FBLN1: variants seen among roughly 807,000 people sequenced by gnomAD.
FBLN1 encodes the protein fibulin 1.
Under a neutral mutation model 89.7 loss-of-function variants are expected in FBLN1, and 34 were observed. The observed-to-expected ratio is 0.38, with a 90% confidence interval of 0.29 to 0.50. The LOEUF is 0.50. Among genes scored for constraint, FBLN1 ranks in the 20% least tolerant of loss-of-function variants. The probability of loss-of-function intolerance (pLI) is 0.92; values close to 1 mark genes in which losing one functional copy is unlikely to be tolerated. For missense variants in FBLN1, 777 were observed against 988.1 expected, an observed-to-expected ratio of 0.79 and a Z score of 2.86; for synonymous variants, 393 against 391.3, an observed-to-expected ratio of 1.00 and a Z score of -0.05.
At chr22:45,596,379 G>A (rs2089186245) in intron 16 of FBLN1, among the ~76,000 whole-genome samples, 1 of 152,136 alleles carries the variant, frequency 6.6e-6, no homozygotes, top group African/African-American at 2.4e-5. Flanking sequence ...TCCCCAGACT[G>A]ACCCCTGAGG....
intron 1 of FBLN1, among the ~76,000 whole-genome samples, chr22:45,505,875 G>A (rs1317135161): frequency 2.6e-5 from 4 of 152,102 alleles, no homozygotes; most frequent in African/African-American, 4.8e-5. Context: ...GAGTTGAAGC[G>A]ATTCTCCTGC....
intron 4 of FBLN1, among the ~76,000 whole-genome samples, chr22:45,529,599 C>T (rs545001785): frequency 1.3e-5 from 2 of 152,348 alleles, no homozygotes; most frequent in East Asian, 3.9e-4. Context: ...GGCACGGTGG[C>T]TCACGCCTGT....
chr22:45,507,931 CTA>C (rs2088045305), intron 1 of FBLN1, among the ~76,000 whole-genome samples: 1 of 152,192 alleles, frequency 6.6e-6, no homozygotes, highest in South Asian at 2.1e-4. Flanking sequence ...TAGAACTCCT[CTA>C]TGGACCTGCA....
rs2088980826 is a variant in FBLN1, at chr22:45,574,784, T to TC, written c.1840+131_1840+132insC. ...TTTGAAATGCAGAACTTTCTTTTTT[T>TC]TTTTTTTTTTTTTTTGAGACGGAGT... On this transcript the variant is annotated intron_variant, in intron 15 of 16. Coordinates refer to ENST00000327858, the MANE Select transcript of FBLN1 (RefSeq NM_006486.3). This position sits in a 1 kb window ranked among gnomAD's most constrained non-coding sequence, Gnocchi z 4.1. 3 of 799,928 alleles carry TC rather than the reference T, an allele frequency of 3.8e-6. No homozygotes were observed. The East Asian group carries it at 8.1e-5, about 22-fold the overall frequency. 49.6% of individuals were successfully genotyped at this position (799,928 alleles called of 1,614,324 possible).
At chr22:45,555,966 G>A (rs1349957807) in intron 14 of FBLN1, among the ~76,000 whole-genome samples, 1 of 152,186 alleles carries the variant, frequency 6.6e-6, no homozygotes, top group Admixed American at 6.6e-5. Flanking sequence ...TAGTACAAGT[G>A]TATACATGCA....
Position 45,566,328 on chromosome 22 carries a change from C to T in FBLN1, c.1698-8183C>T, listed in dbSNP as rs570371018. Among the ~76,000 whole-genome samples, 130 of 152,266 alleles carry T rather than the reference C, an allele frequency of 8.5e-4. 1 individual carries two copies. Among genetic ancestry groups the T allele is most frequent in the African/African-American group, 2.8e-3 (115 of 41,548 alleles). ...TCTTTGCTTGTGGAACTCCCTGCCTCCTGAGGGGTCCCGTTGCATTTTGGG... is the reference window on the plus strand; with the variant it reads ...TCTTTGCTTGTGGAACTCCCTGCCTTCTGAGGGGTCCCGTTGCATTTTGGG... On this transcript the variant is annotated intron_variant, in intron 14 of 16. Coordinates refer to ENST00000327858, the MANE Select transcript of FBLN1 (RefSeq NM_006486.3).
At chr22:45,543,701 C>T (rs1023830530) in intron 11 of FBLN1, among the ~76,000 whole-genome samples, 175 bp downstream of exon 11, 1 of 152,228 alleles carries the variant, frequency 6.6e-6, no homozygotes, top group Non-Finnish European at 1.5e-5. Context: ...CGCCTGCCCA[C>T]CCGATTTCTC....
At position 45,578,632 on chromosome 22, in the gene FBLN1, T is replaced by G. The variant is rs907651182; in HGVS notation, c.1972+1524T>G. On this transcript the variant is annotated intron_variant, in intron 16 of 16. Transcript: ENST00000327858. This position sits in a 1 kb window ranked among gnomAD's most constrained non-coding sequence, Gnocchi z 4.6. The stretch of plus-strand genomic sequence containing the variant: ...GGCAGGGAGGGGGTTGGGTCAGGGC[T>G]TTGTCCTGTCCCACTGGGTGGGTGG... Among the ~76,000 whole-genome samples the G allele has an allele frequency of 2.1e-5, 3 of 141,106 alleles. No individual in the cohort carries two copies. Among genetic ancestry groups the G allele is most frequent in the African/African-American group, 9.6e-5 (3 of 31,178 alleles). The allele number at this position is 141,106 out of a possible 152,430, so 92.6% of individuals were successfully genotyped here. A position where few individuals can be genotyped will look rare whatever the true frequency, so the allele number is the denominator to read the frequency against.
rs1047358592 is a variant in FBLN1 at position 45,581,989 on chromosome 22, T to C, written c.1972+4881T>C. On this transcript the variant is annotated intron_variant, in intron 16 of 16. Coordinates refer to ENST00000327858, the MANE Select transcript of FBLN1 (RefSeq NM_006486.3). This position sits in a 1 kb window ranked among gnomAD's most constrained non-coding sequence, Gnocchi z 7.6. ...AGCCACGGGAGGTCTGTGCTGCCCATGGAGCTTCCAGATCCCGCTGCTTTA... is the reference window on the plus strand; with the variant it reads ...AGCCACGGGAGGTCTGTGCTGCCCACGGAGCTTCCAGATCCCGCTGCTTTA... Among the ~76,000 whole-genome samples the C allele has an allele frequency of 6.6e-6, 1 of 152,176 alleles. No homozygotes were observed. The highest frequency in any genetic ancestry group is 1.5e-5 in the Non-Finnish European group (1 of 68,020).
rs1555962875 is a variant in FBLN1 at position 45,589,113 on chromosome 22, AT to A, written c.1973-11189del. 8.2e-5 allele frequency among the ~76,000 whole-genome samples: 12 copies of A among 147,198 alleles called. No homozygotes were observed. In the Admixed American group the frequency reaches 8.2e-4, roughly 10 times the overall value. On this transcript the variant is annotated intron_variant, in intron 16 of 16. Transcript: ENST00000327858. ...ATATATATAAAAAATATATAAAAAT[AT>A]TTTTATATATATAAAAAATATGTAA...
chr22:45,570,319 C>CAAAAAAAAAAAAAA (rs761469854), intron 14 of FBLN1, among the ~76,000 whole-genome samples: 10 of 36,440 alleles, frequency 2.7e-4, no homozygotes, highest in African/African-American at 3.8e-4. Context: ...GACTCTGTCT[C>CAAAAAAAAAAAAAA]AAAAAAAAAA....
At chr22:45,547,697 GC>G (rs1030716337) in intron 12 of FBLN1, among the ~76,000 whole-genome samples, 4 of 152,034 alleles carry the variant, frequency 2.6e-5, no homozygotes, top group Non-Finnish European at 5.9e-5. Flanking sequence ...ACCGTGCCTG[GC>G]CCCCAACTGA....
At chr22:45,523,084 A>C in intron 2 of FBLN1, 1 of 759,936 alleles carries the variant, frequency 1.3e-6, no homozygotes, top group Non-Finnish European at 2.5e-6. Context: ...TGGGTTTATA[A>C]TTTTAGAGCC....
chr22:45,570,053 G>A (rs1052673884), intron 14 of FBLN1, among the ~76,000 whole-genome samples: 7 of 151,916 alleles, frequency 4.6e-5, no homozygotes, highest in South Asian at 2.1e-4. Context: ...AAATGGGGCC[G>A]GGTGCCCTGT....
Position 45,543,387 on chromosome 22 carries a change from C to G in FBLN1, c.1196-14C>G. 6.2e-7 allele frequency: 1 copy of G among 1,611,264 alleles called. No individual in the cohort carries two copies. ...TTGGACATTGCCCTGAGTCAGCCCA[C>G]CCCTCACTTTCAGATGTCAACGAGT... On this transcript the variant is annotated splice_polypyrimidine_tract_variant and intron_variant, in intron 10 of 16. Coordinates refer to ENST00000327858, the MANE Select transcript of FBLN1 (RefSeq NM_006486.3).
At position 45,600,374 on chromosome 22, in the gene FBLN1, T is replaced by C. The variant is rs114857363; in HGVS notation, c.2040T>C (p.Tyr680=). Residue 680 remains tyrosine, a synonymous_variant, in exon 17 of 17, where the codon TAT becomes TAC. Coordinates refer to ENST00000327858, the MANE Select transcript of FBLN1 (RefSeq NM_006486.3). ...CCGTCCTGAAGCTGGAGATGAACTATGTGGTCGGGGGCGTGGTCTCCCACC... is the reference window on the plus strand; with the variant it reads ...CCGTCCTGAAGCTGGAGATGAACTACGTGGTCGGGGGCGTGGTCTCCCACC... ...FHAVLKLEMN[Y]VVGGVVSHRN... is the part of the protein sequence containing the mutation. The C allele has an allele frequency of 5.1e-4, 819 of 1,614,174 alleles. 2 individuals carry two copies. The African/African-American group carries it at 9.8e-3, about 19-fold the overall frequency.
At chr22:45,592,338 C>G (rs1483810023) in intron 16 of FBLN1, among the ~76,000 whole-genome samples, 1 of 151,780 alleles carries the variant, frequency 6.6e-6, no homozygotes, top group African/African-American at 2.4e-5. Flanking sequence ...TTTGTTTTTT[C>G]TTTTTTGAGA....
At chr22:45,591,010 G>T (rs935484327) in intron 16 of FBLN1, among the ~76,000 whole-genome samples, 2 of 152,098 alleles carry the variant, frequency 1.3e-5, no homozygotes, top group Admixed American at 6.5e-5. Flanking sequence ...CGGAGGGAGG[G>T]GACATGATTT....
chr22:45,585,840 G>C (rs1226470806), intron 16 of FBLN1, among the ~76,000 whole-genome samples: 1 of 152,142 alleles, frequency 6.6e-6, no homozygotes, highest in Non-Finnish European at 1.5e-5. Context: ...TGGGCTCTGA[G>C]GCATCAGAGC....
Sources: allele counts gnomAD v4.1 joint callset (sites outside exome capture counted in the v4.1 genomes callset), GRCh38; gene constraint gnomAD v4.1.1; non-coding constraint Gnocchi (gnomAD v3.1); transcripts MANE v1.5; gene names NCBI Gene and HGNC (gene_info 2026-07-23, HGNC 2026-07-21).